The following HADH variants were observed in gnomAD, a reference collection of about 807,000 sequenced individuals.
The protein encoded by HADH is hydroxyacyl-coenzyme A dehydrogenase, mitochondrial.
HADH carries 24 observed loss-of-function variants against 32.2 expected under a neutral mutation model. The ratio of observed to expected loss-of-function variants is 0.75; its 90% CI spans 0.54 to 1.05. HADH has a LOEUF of 1.05. Among genes scored for constraint, HADH ranks in the 50% least tolerant of loss-of-function variants. The pLI is 0.00. For synonymous variants in HADH, 139 were observed against 152.5 expected (o/e 0.91, Z 0.65); for missense variants, 350 against 397.1 (o/e 0.88, Z 1.01).
chr4:108,027,761 G>T lies in HADH; in HGVS notation c.709+1G>T. ...GAAGCAATCAGGCTGTATGAACGAGGTATCCTTCTGACCCAGGCCAGGAGC... is the reference window on the plus strand; with the variant it reads ...GAAGCAATCAGGCTGTATGAACGAGTTATCCTTCTGACCCAGGCCAGGAGC... On this transcript the variant is annotated splice_donor_variant, in intron 6 of 7. Coordinates refer to ENST00000309522, the MANE Select transcript of HADH (RefSeq NM_005327.7). LOFTEE classifies it high-confidence loss of function. 6.3e-7 allele frequency: 1 copy of T among 1,581,632 alleles called. No individual in the cohort carries two copies. The highest frequency in any genetic ancestry group is 8.7e-7 in the Non-Finnish European group (1 of 1,150,466).
chr4:107,999,590 T>A (rs1427206515), intron 1 of HADH, among the ~76,000 whole-genome samples: 1 of 152,254 alleles, frequency 6.6e-6, no homozygotes, highest in Non-Finnish European at 1.5e-5. Context: ...AAACCAGTCA[T>A]GACTTCTTGA....
intron 6 of HADH, chr4:108,032,524 T>A: frequency 1.8e-6 from 1 of 560,684 alleles, no homozygotes; most frequent in Non-Finnish European, 3.3e-6. Context: ...AAAGTTTATT[T>A]ATAAATCAAA....
intron 2 of HADH, among the ~76,000 whole-genome samples, chr4:108,013,005 T>C (rs1372079134): frequency 6.6e-6 from 1 of 152,226 alleles, no homozygotes; most frequent in Non-Finnish European, 1.5e-5. Context: ...CGATGTCGGC[T>C]CACTGCAAGC....
At chr4:108,032,847 G>C (rs1276137955) in intron 6 of HADH, 2 of 372,286 alleles carry the variant, frequency 5.4e-6, no homozygotes, top group East Asian at 1.3e-4. Flanking sequence ...CCTTGTGTGG[G>C]GGCGCACACC....
At chr4:108,019,769 T>C in intron 4 of HADH, 103 bp downstream of exon 4, 1 of 1,359,224 alleles carries the variant, frequency 7.4e-7, no homozygotes, top group Non-Finnish European at 1.1e-6. Flanking sequence ...TAGGATGGGT[T>C]TTAACCTGAG....
chr4:108,023,347 C>T, intron 4 of HADH, 127 bp from the exon 5 acceptor site: 1 of 691,786 alleles, frequency 1.4e-6, no homozygotes, highest in African/African-American at 1.8e-5. Context: ...GAGATTCCTA[C>T]TTCTATGCTG....
intron 1 of HADH, among the ~76,000 whole-genome samples, chr4:107,991,240 T>G (rs546442551): frequency 7.9e-5 from 12 of 152,348 alleles, no homozygotes; most frequent in Middle Eastern, 3.4e-3. Flanking sequence ...TCTTAGCATT[T>G]CAGTCCTTTG....
rs187064585 is a variant in HADH, at chr4:108,009,454, C to T, written c.133-305C>T. Among the ~76,000 whole-genome samples, 444 of 152,304 alleles carry T rather than the reference C, an allele frequency of 2.9e-3. 3 individuals carry two copies. Among genetic ancestry groups the T allele is most frequent in the Middle Eastern group, 0.017 (5 of 294 alleles). On this transcript the variant is annotated intron_variant, in intron 1 of 7. Transcript: ENST00000309522. ...AGAGAAGTATTTAGAGCTTGGCCTT[C>T]AGGGCTTTGATTCAGATTCCGGCTC...
chr4:108,024,751 G>A (rs1330417043), intron 5 of HADH: 1 of 152,212 alleles, frequency 6.6e-6, no homozygotes, highest in East Asian at 1.9e-4. Context: ...GAACATCTGT[G>A]CAAGACAAAA....
intron 6 of HADH, chr4:108,032,784 C>T: frequency 3.0e-6 from 1 of 327,980 alleles, no homozygotes; most frequent in Non-Finnish European, 5.8e-6. Flanking sequence ...GGAGTTTGAG[C>T]CCAGACTGGC....
intron 5 of HADH, 198 bp from the exon 6 acceptor site, chr4:108,027,490 T>G: frequency 1.6e-6 from 1 of 639,260 alleles, no homozygotes; most frequent in Non-Finnish European, 2.8e-6. Context: ...GGTTTGAATG[T>G]TTTTTTAAGT....
At chr4:108,014,329 T>A in intron 2 of HADH, 102 bp from the exon 3 acceptor site, 1 of 1,253,674 alleles carries the variant, frequency 8.0e-7, no homozygotes, top group Non-Finnish European at 1.2e-6. Flanking sequence ...CCAATACAGG[T>A]GCTCTGAACA....
At chr4:108,031,173 T>A (rs1292385314) in intron 6 of HADH, 2 of 152,250 alleles carry the variant, frequency 1.3e-5, no homozygotes, top group Non-Finnish European at 2.9e-5. Flanking sequence ...TAGGTTGTGA[T>A]GAGTAATTGT....
At chr4:108,021,601 A>G (rs1735888183) in intron 4 of HADH, among the ~76,000 whole-genome samples, 1 of 152,196 alleles carries the variant, frequency 6.6e-6, no homozygotes. Flanking sequence ...TGTTCGTTGA[A>G]TGAATGAATG....
intron 6 of HADH, chr4:108,030,776 G>C (rs1315207248): frequency 2.0e-5 from 3 of 152,188 alleles, no homozygotes; most frequent in African/African-American, 7.2e-5. Flanking sequence ...TGATTCTAAA[G>C]AAGTTTAAGA....
intron 7 of HADH, 69 bp from the exon 8 acceptor site, chr4:108,034,170 C>A: frequency 9.1e-7 from 1 of 1,094,904 alleles, no homozygotes; most frequent in Non-Finnish European, 1.4e-6. Context: ...CAGACTTGTC[C>A]TTGGAAATGC....
intron 1 of HADH, among the ~76,000 whole-genome samples, chr4:107,990,947 G>A (rs1734773211): frequency 6.6e-6 from 1 of 151,974 alleles, no homozygotes; most frequent in Non-Finnish European, 1.5e-5. Flanking sequence ...TCACCTTGTG[G>A]GTCAGGCTGA....
intron 1 of HADH, among the ~76,000 whole-genome samples, chr4:107,995,981 T>G (rs1734943657): frequency 1.3e-5 from 2 of 152,226 alleles, no homozygotes; most frequent in Admixed American, 1.3e-4. Flanking sequence ...TGCCAAGATC[T>G]AATTCATTAT....
At chr4:108,029,109 G>C (rs1736166555) in intron 6 of HADH, 1 of 384,986 alleles carries the variant, frequency 2.6e-6, no homozygotes, top group African/African-American at 2.1e-5. Context: ...CCTGCCTGGG[G>C]TGGGTGCTGC....
Sources: allele counts gnomAD v4.1 joint callset (sites outside exome capture counted in the v4.1 genomes callset), GRCh38; gene constraint gnomAD v4.1.1; transcripts MANE v1.5; gene names NCBI Gene and HGNC (gene_info 2026-07-23, HGNC 2026-07-21).